The following PLA2G6 variants were observed in gnomAD, a reference collection of about 807,000 sequenced individuals.
The protein encoded by PLA2G6 is phospholipase A2 group VI.
A neutral mutation model predicts 83.8 loss-of-function variants in PLA2G6; 62 were observed. That is an observed-to-expected ratio of 0.74 (90% CI 0.60 to 0.91). PLA2G6 has a LOEUF of 0.91. PLA2G6 is among the 40% of genes least tolerant of loss of function. The probability of loss-of-function intolerance (pLI) is 0.00; values close to 1 mark genes in which losing one functional copy is unlikely to be tolerated. For missense variants in PLA2G6, 944 were observed against 1,102.0 expected, an observed-to-expected ratio of 0.86 and a Z score of 2.03; for synonymous variants, 417 against 449.8, an observed-to-expected ratio of 0.93 and a Z score of 0.92.
At chr22:38,170,748 G>A (rs1010868160) in intron 1 of PLA2G6, among the ~76,000 whole-genome samples, 2 of 152,156 alleles carry the variant, frequency 1.3e-5, no homozygotes, top group African/African-American at 4.8e-5. Context: ...ACATCTGAGT[G>A]GACACTGGGT....
chr22:38,127,239 C>A, intron 9 of PLA2G6: 3 of 1,217,790 alleles, frequency 2.5e-6, no homozygotes, highest in Non-Finnish European at 3.2e-6. Flanking sequence ...GCACACGGCT[C>A]CACAGTGAAC....
intron 11 of PLA2G6, among the ~76,000 whole-genome samples, chr22:38,122,069 G>A (rs962618974): frequency 1.3e-5 from 2 of 152,036 alleles, no homozygotes; most frequent in Admixed American, 6.5e-5. Flanking sequence ...CTCCTCCTCC[G>A]CCCATGGGAC....
Position 38,120,889 on chromosome 22 carries a change from G to C in PLA2G6, c.1612C>G (p.Arg538Gly). 1 of 1,613,686 alleles carries C rather than the reference G, an allele frequency of 6.2e-7. No individual in the cohort carries two copies. Among genetic ancestry groups the C allele is most frequent in the Non-Finnish European group, 8.5e-7 (1 of 1,180,034 alleles). The change falls in exon 12 of 17, where the codon CGC becomes GGC. Residue 538 changes from arginine to glycine, a missense_variant. Transcript: ENST00000332509. ...ILHSKSMAYM[R>G]GMYFRMKDEV... ...TCCTTCATGCGAAAGTACATGCCGC[G>C]CATGTAGGCCATGGACTTACCTAGG...
chr22:38,166,407 A>C (rs2090216620), intron 2 of PLA2G6, among the ~76,000 whole-genome samples: 1 of 152,192 alleles, frequency 6.6e-6, no homozygotes, highest in Non-Finnish European at 1.5e-5. Context: ...TATGACTGTG[A>C]AAATAAATAA....
At chr22:38,120,723 C>T in intron 12 of PLA2G6, 36 bp downstream of exon 12, 1 of 1,611,700 alleles carries the variant, frequency 6.2e-7, no homozygotes, top group Non-Finnish European at 8.5e-7. Flanking sequence ...ACAGTGGGCA[C>T]AGCTGCGGCC....
At chr22:38,126,339 C>A in intron 10 of PLA2G6, 32 bp downstream of exon 10, 1 of 1,546,774 alleles carries the variant, frequency 6.5e-7, no homozygotes, top group East Asian at 2.2e-5. Flanking sequence ...CGCACACGTT[C>A]CCCGCTCTGC....
At chr22:38,116,026 G>A in intron 13 of PLA2G6, 49 bp downstream of exon 13, 2 of 1,606,080 alleles carry the variant, frequency 1.2e-6, no homozygotes, top group African/African-American at 2.7e-5. Context: ...CCACCCCACA[G>A]CCTCTCGGGC....
chr22:38,145,123 A>T, intron 3 of PLA2G6: 1 of 390,622 alleles, frequency 2.6e-6, no homozygotes, highest in Non-Finnish European at 4.9e-6. Context: ...CTCACTGTAA[A>T]CTCTAACTCC....
At chr22:38,160,202 G>A (rs1355678201) in intron 2 of PLA2G6, among the ~76,000 whole-genome samples, 4 of 152,062 alleles carry the variant, frequency 2.6e-5, no homozygotes, top group East Asian at 1.9e-4. Flanking sequence ...CTAGACACCC[G>A]ACAGAATGAC....
At chr22:38,121,161 T>G (rs2145713395) in intron 11 of PLA2G6, 1 of 442,186 alleles carries the variant, frequency 2.3e-6, no homozygotes. Context: ...GTGGATCACT[T>G]GAGGTCAGGA....
At chr22:38,177,144 TG>T (rs1464589539) in intron 1 of PLA2G6, among the ~76,000 whole-genome samples, 2 of 151,694 alleles carry the variant, frequency 1.3e-5, no homozygotes, top group African/African-American at 4.8e-5. Context: ...CAGGTTGTGG[TG>T]GGGGATTGCC....
At chr22:38,115,815 G>A (rs2087156329) in intron 13 of PLA2G6, 134 bp from the exon 14 acceptor site, 1 of 1,480,362 alleles carries the variant, frequency 6.8e-7, no homozygotes, top group Admixed American at 2.2e-5. Context: ...TTCAGAAGCA[G>A]GACCCACGAA....
chr22:38,159,711 G>C (rs1237843727), intron 2 of PLA2G6, among the ~76,000 whole-genome samples: 3 of 125,044 alleles, frequency 2.4e-5, no homozygotes, highest in Middle Eastern at 7.4e-3. Context: ...GCCTGGGTGA[G>C]AGAGAGATAG....
At position 38,123,806 on chromosome 22, in the gene PLA2G6, C is replaced by T. The variant is rs1250470806; in HGVS notation, c.1428-548G>A. Among the ~76,000 whole-genome samples the T allele has an allele frequency of 1.3e-5, 2 of 152,092 alleles. No individual in the cohort carries two copies. The highest frequency in any genetic ancestry group is 3.9e-4 in the East Asian group (2 of 5,190). On this transcript the variant is annotated intron_variant, in intron 10 of 16. Transcript: ENST00000332509. This position sits in a 1 kb window ranked among gnomAD's most constrained non-coding sequence, Gnocchi z 4.1. ...CATTAGCTCATGTCATTGTCCCAAACGCCTCTGAGGCAGACCCTCCCTGAC... is the reference window on the plus strand; with the variant it reads ...CATTAGCTCATGTCATTGTCCCAAATGCCTCTGAGGCAGACCCTCCCTGAC...
At chr22:38,122,972 A>T (rs1035770824) in intron 11 of PLA2G6, 123 bp downstream of exon 11, 4 of 974,100 alleles carry the variant, frequency 4.1e-6, no homozygotes, top group Non-Finnish European at 6.2e-6. Flanking sequence ...CTGCCTCCTC[A>T]AAGTGCTTAT....
chr22:38,175,449 C>G (rs929779668), intron 1 of PLA2G6, among the ~76,000 whole-genome samples: 1 of 152,000 alleles, frequency 6.6e-6, no homozygotes, highest in Non-Finnish European at 1.5e-5. Flanking sequence ...CTCACCCCTC[C>G]AACTCATCCC....
chr22:38,111,929 G>A lies in PLA2G6; in HGVS notation c.*232C>T. 1 of 591,048 alleles carries A rather than the reference G, an allele frequency of 1.7e-6. No individual in the cohort carries two copies. The highest frequency in any genetic ancestry group is 3.0e-6 in the Non-Finnish European group (1 of 330,624). The allele number at this position is 591,048 out of a possible 1,614,324, so 36.6% of individuals were successfully genotyped here. A position where few individuals can be genotyped will look rare whatever the true frequency, so the allele number is the denominator to read the frequency against. On this transcript the variant is annotated 3_prime_UTR_variant, in exon 17 of 17. Coordinates refer to ENST00000332509, the MANE Select transcript of PLA2G6 (RefSeq NM_003560.4). ...TGACAGTCAGGGAAAGGGGCCAAAGGGGGCTCTAGACTTTCCCAGCCTGGA... is the reference window on the plus strand; with the variant it reads ...TGACAGTCAGGGAAAGGGGCCAAAGAGGGCTCTAGACTTTCCCAGCCTGGA...
intron 13 of PLA2G6, 41 bp from the exon 14 acceptor site, chr22:38,115,722 C>T (rs1454099517): frequency 6.4e-6 from 10 of 1,568,878 alleles, no homozygotes; most frequent in South Asian, 3.5e-5. Flanking sequence ...GCACAAGGGA[C>T]TGGCATAAAA....
intron 1 of PLA2G6, among the ~76,000 whole-genome samples, chr22:38,170,028 C>T (rs1294159316): frequency 6.6e-6 from 1 of 151,778 alleles, no homozygotes; most frequent in African/African-American, 2.4e-5. Flanking sequence ...CGAAACCCTG[C>T]CTCTACTAAA....
Sources: allele counts gnomAD v4.1 joint callset (sites outside exome capture counted in the v4.1 genomes callset), GRCh38; gene constraint gnomAD v4.1.1; non-coding constraint Gnocchi (gnomAD v3.1); transcripts MANE v1.5; gene names NCBI Gene and HGNC (gene_info 2026-07-23, HGNC 2026-07-21).